INPP4A: variants seen among roughly 807,000 people sequenced by gnomAD.
INPP4A encodes inositol polyphosphate-4-phosphatase, type I, 107kD.
In INPP4A, 33 loss-of-function variants were observed where a neutral mutation model predicts 119.8. That is an observed-to-expected ratio of 0.28 (90% confidence interval 0.21 to 0.37). The LOEUF is 0.37. Ranked by LOEUF, INPP4A falls within the 10% of genes least tolerant of loss-of-function variation. INPP4A has a pLI of 1.00. For missense variants in INPP4A, 956 were observed against 1,289.9 expected (o/e 0.74, Z 3.97); for synonymous variants, 496 against 500.7 (o/e 0.99, Z 0.12).
intron 1 of INPP4A, among the ~76,000 whole-genome samples, chr2:98,495,981 C>T (rs1186248939): frequency 1.3e-5 from 2 of 152,142 alleles, no homozygotes; most frequent in Non-Finnish European, 2.9e-5. Flanking sequence ...TGATTTCTTT[C>T]AGGGCCTGCT....
chr2:98,568,115 A>G (rs1351981090), intron 21 of INPP4A, among the ~76,000 whole-genome samples: 3 of 152,212 alleles, frequency 2.0e-5, no homozygotes, highest in Admixed American at 6.5e-5. Context: ...CAAGGGCTTC[A>G]TGTCAGTCCC....
intron 16 of INPP4A, 26 bp from the exon 17 acceptor site, chr2:98,559,437 C>A: frequency 6.2e-7 from 1 of 1,613,810 alleles, no homozygotes; most frequent in South Asian, 1.1e-5. Context: ...CCTTAATCAT[C>A]CATGTCGCCC....
intron 1 of INPP4A, among the ~76,000 whole-genome samples, chr2:98,501,535 C>A (rs191584558): frequency 6.6e-6 from 1 of 151,972 alleles, no homozygotes; most frequent in East Asian, 1.9e-4. Flanking sequence ...AGAACCCCCC[C>A]AGCCCCCCAT....
At chr2:98,498,387 T>A (rs1302048662) in intron 1 of INPP4A, among the ~76,000 whole-genome samples, 2 of 152,106 alleles carry the variant, frequency 1.3e-5, no homozygotes, top group African/African-American at 4.8e-5. Context: ...TGCCTTCTGC[T>A]ATGATTGTGA....
chr2:98,568,264 G>T (rs1319728104), intron 21 of INPP4A, among the ~76,000 whole-genome samples: 1 of 152,146 alleles, frequency 6.6e-6, no homozygotes. Context: ...AGGAGACCAG[G>T]GACTCTGAGC....
intron 1 of INPP4A, among the ~76,000 whole-genome samples, chr2:98,453,359 G>A (rs1695550455): frequency 6.6e-6 from 1 of 152,208 alleles, no homozygotes; most frequent in Non-Finnish European, 1.5e-5. Context: ...TCAATTTGAG[G>A]TTGTAACTGG....
At chr2:98,491,889 C>CA (rs1217631696) in intron 1 of INPP4A, among the ~76,000 whole-genome samples, 3 of 142,178 alleles carry the variant, frequency 2.1e-5, no homozygotes, top group African/African-American at 7.8e-5. Context: ...TCATATGTCA[C>CA]AAGTGCATTT....
chr2:98,568,226 G>C (rs145286389), intron 21 of INPP4A, among the ~76,000 whole-genome samples: 5 of 152,172 alleles, frequency 3.3e-5, no homozygotes, highest in Admixed American at 2.6e-4. Flanking sequence ...CCTCACTGCC[G>C]TCCCCCCTCC....
At chr2:98,581,703 G>T (rs750839247) in intron 24 of INPP4A, 8 of 1,612,890 alleles carry the variant, frequency 5.0e-6, no homozygotes, top group South Asian at 1.1e-5. Flanking sequence ...TTTACTGATT[G>T]TGTGGCTCTT....
At chr2:98,494,331 T>A (rs914002131) in intron 1 of INPP4A, among the ~76,000 whole-genome samples, 3 of 152,126 alleles carry the variant, frequency 2.0e-5, no homozygotes, top group Admixed American at 1.3e-4. Context: ...GAATAATGGG[T>A]CCCCAGTTGC....
At chr2:98,512,490 G>T (rs1685302923) in intron 1 of INPP4A, among the ~76,000 whole-genome samples, 1 of 152,244 alleles carries the variant, frequency 6.6e-6, no homozygotes, top group Non-Finnish European at 1.5e-5. Flanking sequence ...CAGTCTGGAG[G>T]CTGGGAAGTC....
At chr2:98,465,711 C>T (rs911711455) in intron 1 of INPP4A, among the ~76,000 whole-genome samples, 4 of 152,172 alleles carry the variant, frequency 2.6e-5, no homozygotes, top group Admixed American at 2.6e-4. Flanking sequence ...TGTTGCTGGG[C>T]ACTCACTTGG....
intron 1 of INPP4A, among the ~76,000 whole-genome samples, chr2:98,506,658 C>T (rs1307902155): frequency 6.6e-6 from 1 of 152,228 alleles, no homozygotes; most frequent in Non-Finnish European, 1.5e-5. Context: ...GGATTGGAAA[C>T]ATTGTGAGAA....
chr2:98,564,561 T>TG (rs1402366541), intron 18 of INPP4A, 79 bp from the exon 19 acceptor site: 5 of 1,555,730 alleles, frequency 3.2e-6, no homozygotes, highest in Non-Finnish European at 4.4e-6. Flanking sequence ...AAGGGGGCGG[T>TG]GGGGGGCTGG....
chr2:98,453,187 T>G (rs1695526600), intron 1 of INPP4A, among the ~76,000 whole-genome samples: 1 of 152,338 alleles, frequency 6.6e-6, no homozygotes, highest in African/African-American at 2.4e-5. Context: ...GTTTTCAGCT[T>G]TAAAGATTCA....
At chr2:98,488,485 A>G (rs1288505747) in intron 1 of INPP4A, among the ~76,000 whole-genome samples, 1 of 152,162 alleles carries the variant, frequency 6.6e-6, no homozygotes, top group Non-Finnish European at 1.5e-5. Context: ...TGTGCACCTC[A>G]TTCGGAGTTC....
At chr2:98,573,997 C>T (rs1443697296) in intron 23 of INPP4A, among the ~76,000 whole-genome samples, 1 of 152,178 alleles carries the variant, frequency 6.6e-6, no homozygotes, top group Non-Finnish European at 1.5e-5. Context: ...TGCAGGTCTC[C>T]CCTCTCTGGG....
At chr2:98,519,685 A>G (rs1411585222) in intron 2 of INPP4A, 1 of 211,208 alleles carries the variant, frequency 4.7e-6, no homozygotes, top group African/African-American at 2.3e-5. Flanking sequence ...TTATATGAAA[A>G]CCATCATTCA....
In INPP4A at chr2:98,588,472, T is replaced by C. The variant is rs777712855; in HGVS notation, c.*864T>C. 5.7e-5 allele frequency: 12 copies of C among 209,654 alleles called. No individual in the cohort carries two copies. The highest frequency in any genetic ancestry group is 1.2e-4 in the Non-Finnish European group (12 of 103,396). 13.0% of individuals were successfully genotyped at this position (209,654 alleles called of 1,614,324 possible). On this transcript the variant is annotated 3_prime_UTR_variant, in exon 25 of 25. Transcript: ENST00000409851. ...CATGGGGAATTTATGACCATAGAGA[T>C]AGTAGAAACCTAAATATTTTCAGAA...
Sources: allele counts gnomAD v4.1 joint callset (sites outside exome capture counted in the v4.1 genomes callset), GRCh38; gene constraint gnomAD v4.1.1; transcripts MANE v1.5; gene names NCBI Gene and HGNC (gene_info 2026-07-23, HGNC 2026-07-21).